CLCC1: variants seen among roughly 807,000 people sequenced by gnomAD.
CLCC1 encodes the protein chloride channel CLIC-like protein 1.
CLCC1 carries 39 observed loss-of-function variants against 63.3 expected under a neutral mutation model. That is an observed-to-expected ratio of 0.62 (90% CI 0.48 to 0.81). The LOEUF (loss-of-function observed/expected upper bound fraction) is 0.81, where lower values mean the gene tolerates loss of function less well. Ranked by LOEUF, CLCC1 falls within the 30% of genes least tolerant of loss-of-function variation. The pLI is 0.00. For synonymous variants in CLCC1, 217 were observed against 239.8 expected (o/e 0.90, Z 0.88); for missense variants, 549 against 669.4 (o/e 0.82, Z 1.98).
chr1:108,951,293 G>A (rs1655149237), intron 2 of CLCC1, among the ~76,000 whole-genome samples: 1 of 152,126 alleles, frequency 6.6e-6, no homozygotes, highest in Non-Finnish European at 1.5e-5. Flanking sequence ...GAGGCAGGTG[G>A]ATCGCTTGAG....
chr1:108,958,431 G>C (rs74727645), intron 2 of CLCC1, among the ~76,000 whole-genome samples: 7,481 of 151,418 alleles, frequency 0.049, 874 homozygotes, highest in African/African-American at 0.17. Context: ...ATCCATCTGG[G>C]TTACGACTGC....
intron 2 of CLCC1, among the ~76,000 whole-genome samples, chr1:108,955,832 A>T (rs1346903443): frequency 2.0e-5 from 3 of 151,540 alleles, no homozygotes; most frequent in Non-Finnish European, 4.4e-5. Flanking sequence ...TCCCAGACTT[A>T]AACCAGCAGC....
intron 2 of CLCC1, among the ~76,000 whole-genome samples, chr1:108,961,075 C>A (rs1337449428): frequency 2.0e-5 from 3 of 152,068 alleles, no homozygotes; most frequent in African/African-American, 7.2e-5. Flanking sequence ...CCAGCAGTTC[C>A]ATAGATTTCT....
In CLCC1 at chr1:108,950,463, A is replaced by T. The variant is rs530612374; in HGVS notation, c.-11-15T>A. The T allele has an allele frequency of 2.6e-4, 370 of 1,422,308 alleles. No homozygotes were observed. Among genetic ancestry groups the T allele is most frequent in the African/African-American group, 3.4e-4 (23 of 68,412 alleles). The allele number at this position is 1,422,308 out of a possible 1,614,324, so 88.1% of individuals were successfully genotyped here. A position where few individuals can be genotyped will look rare whatever the true frequency, so the allele number is the denominator to read the frequency against. On this transcript the variant is annotated splice_polypyrimidine_tract_variant and intron_variant, in intron 2 of 12. Coordinates refer to ENST00000369969, the MANE Select transcript of CLCC1 (RefSeq NM_001377458.1). ...CCTGTATAAGGCTAAAACAATTTTTAATATATATAATGAAATAGAATTATT... is the reference window on the plus strand; with the variant it reads ...CCTGTATAAGGCTAAAACAATTTTTTATATATATAATGAAATAGAATTATT...
chr1:108,951,074 C>T (rs1253604249), intron 2 of CLCC1, among the ~76,000 whole-genome samples: 1 of 152,144 alleles, frequency 6.6e-6, no homozygotes, highest in African/African-American at 2.4e-5. Context: ...TTCAGAGCCA[C>T]ATTTTTCGTA....
intron 7 of CLCC1, 42 bp from the exon 8 acceptor site, chr1:108,941,540 T>C (rs1310461648): frequency 6.6e-7 from 1 of 1,519,088 alleles, no homozygotes; most frequent in South Asian, 1.1e-5. Flanking sequence ...CCGTTACCTA[T>C]GAAGGTTAGG....
intron 12 of CLCC1, chr1:108,934,099 TAAAAGG>T: frequency 6.6e-6 from 1 of 152,326 alleles, no homozygotes; most frequent in Non-Finnish European, 1.5e-5. Flanking sequence ...GTAAACAAAG[TAAAAGG>T]AACAATAAGG....
chr1:108,936,941 GGA>G, intron 11 of CLCC1, 134 bp downstream of exon 11: 1 of 488,526 alleles, frequency 2.0e-6, no homozygotes, highest in Non-Finnish European at 3.3e-6. Flanking sequence ...ACCAGAAAGG[GGA>G]GAGAGTGAGT....
chr1:108,947,646 T>C lies in CLCC1; in HGVS notation c.304A>G (p.Asn102Asp), dbSNP rs1346636499. Residue 102 changes from asparagine to aspartate, a missense_variant, in exon 5 of 13, where the codon AAT becomes GAT. Asn to Asp is a conservative substitution (Grantham distance 23, BLOSUM62 1). Coordinates refer to ENST00000369969, the MANE Select transcript of CLCC1 (RefSeq NM_001377458.1). ...TTTCCAGCTTCAATTAAAATCTTAT[T>C]TAAGTATCTCCTAAAAACAGGATTG... ...QSNPVFRRYL[N>D]KILIEAGKLG... 6.2e-7 allele frequency: 1 copy of C among 1,612,086 alleles called. No homozygotes were observed. Among genetic ancestry groups the C allele is most frequent in the Non-Finnish European group, 8.5e-7 (1 of 1,179,018 alleles).
chr1:108,930,121 G>C lies in CLCC1; in HGVS notation c.*2426C>G. 2 of 614,760 alleles carry C rather than the reference G, an allele frequency of 3.3e-6. No individual in the cohort carries two copies. The highest frequency in any genetic ancestry group is 6.0e-5 in the Admixed American group (2 of 33,340). 38.1% of individuals were successfully genotyped at this position (614,760 alleles called of 1,614,324 possible). On this transcript the variant is annotated 3_prime_UTR_variant, in exon 13 of 13. Transcript: ENST00000369969. ...TACTTCTCTGGACATGCGCGTTTGA[G>C]GGTGGAGGGGTCCTGTAAGGTGCTT...
At chr1:108,939,432 G>C in intron 10 of CLCC1, among the ~76,000 whole-genome samples, 1 of 150,142 alleles carries the variant, frequency 6.7e-6, no homozygotes, top group East Asian at 1.9e-4. Context: ...TCAGCCTCCC[G>C]AGTAGCTGGG....
chr1:108,929,606 A>G lies in CLCC1; in HGVS notation c.*2941T>C, dbSNP rs538348012. ...TCTGAGAAGCCCCAAATAAAAGTTT[A>G]CAACTGCGTTTTCTTGTTGTGACTG... On this transcript the variant is annotated 3_prime_UTR_variant, in exon 13 of 13. Coordinates refer to ENST00000369969, the MANE Select transcript of CLCC1 (RefSeq NM_001377458.1). 3 of 1,141,510 alleles carry G rather than the reference A, an allele frequency of 2.6e-6. No individual in the cohort carries two copies. The highest frequency in any genetic ancestry group is 4.0e-6 in the Non-Finnish European group (3 of 757,084). 70.7% of individuals were successfully genotyped at this position (1,141,510 alleles called of 1,614,324 possible). A position where few individuals can be genotyped will look rare whatever the true frequency, so the allele number is the denominator to read the frequency against.
chr1:108,952,182 T>G (rs11102687), intron 2 of CLCC1, among the ~76,000 whole-genome samples: 8,528 of 151,708 alleles, frequency 0.056, 279 homozygotes, highest in Middle Eastern at 0.088. Flanking sequence ...TATTTTTGGG[T>G]TTTTTGTTTT....
chr1:108,943,443 T>C (rs1051437245), intron 7 of CLCC1, 32 bp downstream of exon 7: 2 of 1,597,276 alleles, frequency 1.3e-6, no homozygotes, highest in Admixed American at 1.7e-5. Flanking sequence ...ATAAATGTGT[T>C]AAAATTGTAA....
intron 4 of CLCC1, among the ~76,000 whole-genome samples, chr1:108,949,264 C>T (rs76345235): frequency 0.017 from 2,585 of 152,306 alleles, 74 homozygotes; most frequent in African/African-American, 0.059. Flanking sequence ...ACCCTGCCTA[C>T]GCAGCCAACC....
rs1224265138 is a variant in CLCC1 at position 108,940,087 on chromosome 1, C to T, written c.852G>A (p.Glu284=). The part of the protein sequence containing the change: ...YKDDPCQKYY[E]LLLVNPIWLV... ...ACCAAATAGGGTTGACTAGTAAGAGCTCATAGTATTTTTGGCATGGGTCAT... is the reference window on the plus strand; with the variant it reads ...ACCAAATAGGGTTGACTAGTAAGAGTTCATAGTATTTTTGGCATGGGTCAT... Residue 284 remains glutamate, a synonymous_variant, in exon 9 of 13, where the codon GAG becomes GAA. Coordinates refer to ENST00000369969, the MANE Select transcript of CLCC1 (RefSeq NM_001377458.1). 12 of 1,613,684 alleles carry T rather than the reference C, an allele frequency of 7.4e-6. No individual in the cohort carries two copies. Among genetic ancestry groups the T allele is most frequent in the Non-Finnish European group, 9.3e-6 (11 of 1,179,850 alleles).
intron 9 of CLCC1, 90 bp downstream of exon 9, chr1:108,939,955 A>G: frequency 5.4e-6 from 7 of 1,290,824 alleles, no homozygotes; most frequent in Non-Finnish European, 7.6e-6. Context: ...ACAAACGCTT[A>G]TTAGCAAAAT....
intron 5 of CLCC1, among the ~76,000 whole-genome samples, chr1:108,946,571 A>G (rs1654568897): frequency 6.6e-6 from 1 of 152,128 alleles, no homozygotes; most frequent in African/African-American, 2.4e-5. Context: ...GCCAGCCTAC[A>G]CTGTGCTGAT....
At chr1:108,935,591 C>G (rs892742840) in intron 11 of CLCC1, among the ~76,000 whole-genome samples, 1 of 151,956 alleles carries the variant, frequency 6.6e-6, no homozygotes, top group African/African-American at 2.4e-5. Context: ...ACAGCAAGAC[C>G]CCATATCCAC....
Sources: allele counts gnomAD v4.1 joint callset (sites outside exome capture counted in the v4.1 genomes callset), GRCh38; gene constraint gnomAD v4.1.1; transcripts MANE v1.5; gene names NCBI Gene and HGNC (gene_info 2026-07-23, HGNC 2026-07-21).